The following TASOR variants were observed in gnomAD, a reference collection of about 807,000 sequenced individuals.
The protein encoded by TASOR is transcription activation suppressor, also known as protein TASOR.
A neutral mutation model predicts 178.6 loss-of-function variants in TASOR; 53 were observed. That is an observed-to-expected ratio of 0.30 (90% confidence interval 0.24 to 0.37). The LOEUF (loss-of-function observed/expected upper bound fraction) is 0.37. Among genes scored for constraint, TASOR ranks in the 10% least tolerant of loss-of-function variants. TASOR has a pLI of 1.00. For synonymous variants in TASOR, 713 were observed against 696.2 expected, an observed-to-expected ratio of 1.02 and a Z score of -0.38; for missense variants, 1,815 against 1,971.4, an observed-to-expected ratio of 0.92 and a Z score of 1.50.
chr3:56,673,450 A>AAC, intron 2 of TASOR, 130 bp downstream of exon 2: 1 of 673,954 alleles, frequency 1.5e-6, no homozygotes, highest in Non-Finnish European at 2.2e-6. Context: ...AAAAAAAAAA[A>AAC]AAAAAAAACT....
chr3:56,653,471 A>G (rs2077401165), intron 11 of TASOR, among the ~76,000 whole-genome samples: 2 of 151,864 alleles, frequency 1.3e-5, no homozygotes, highest in Admixed American at 6.6e-5. Context: ...AAAGATTTAA[A>G]AAGTAGCCAG....
At chr3:56,653,423 G>C (rs1350977944) in intron 11 of TASOR, among the ~76,000 whole-genome samples, 1 of 150,758 alleles carries the variant, frequency 6.6e-6, no homozygotes, top group Non-Finnish European at 1.5e-5. Context: ...TCTACACCTA[G>C]ATACTGTAAC....
At chr3:56,645,266 T>G (rs2077212065) in intron 14 of TASOR, among the ~76,000 whole-genome samples, 1 of 148,344 alleles carries the variant, frequency 6.7e-6, no homozygotes, top group African/African-American at 2.6e-5. Context: ...GGAGTGAGAT[T>G]TTGTCTCAAA....
rs1258681694 is a variant in TASOR at position 56,623,096 on chromosome 3, G to A, written c.4954C>T (p.Pro1652Ser). The change falls in exon 24 of 24, where the codon CCA (proline) becomes TCA (serine). Residue 1652 changes from proline (P) to serine (S), a missense_variant. Coordinates refer to ENST00000683822, the MANE Select transcript of TASOR (RefSeq NM_001365635.2). ...YTESLDRDKS[P>S]PPLSWGKSDS... ...CTTTTCCCCCAACTTAAGGGAGGTG[G>A]AGATTTATCTCTATCCAAGCTTTCA... The A allele has an allele frequency of 1.9e-6, 3 of 1,610,158 alleles. No individual in the cohort carries two copies. The African/African-American group carries it at 4.0e-5, about 22-fold the overall frequency.
intron 12 of TASOR, 29 bp from the exon 13 acceptor site, chr3:56,648,922 A>G: frequency 6.2e-7 from 1 of 1,605,344 alleles, no homozygotes; most frequent in Non-Finnish European, 8.5e-7. Context: ...ACTCATTAGC[A>G]ATGTGTTTTA....
chr3:56,677,896 TAAGA>T (rs2031454505), intron 1 of TASOR, among the ~76,000 whole-genome samples: 2 of 152,280 alleles, frequency 1.3e-5, no homozygotes, highest in Admixed American at 1.3e-4. Flanking sequence ...TTTCACACAT[TAAGA>T]AATGTGTAAT....
At chr3:56,673,813 T>C (rs2030990545) in intron 1 of TASOR, 88 bp from the exon 2 acceptor site, 5 of 1,152,948 alleles carry the variant, frequency 4.3e-6, no homozygotes, top group Non-Finnish European at 5.9e-6. Flanking sequence ...AATGTAACTT[T>C]AAATACCATG....
At chr3:56,634,723 A>T (rs770322666) in intron 17 of TASOR, among the ~76,000 whole-genome samples, 5 of 152,236 alleles carry the variant, frequency 3.3e-5, no homozygotes, top group Non-Finnish European at 5.9e-5. Flanking sequence ...TACTAAGGTT[A>T]GCTGATACTA....
At chr3:56,625,106 T>A in intron 21 of TASOR, 100 bp from the exon 22 acceptor site, 2 of 1,037,526 alleles carry the variant, frequency 1.9e-6, no homozygotes, top group South Asian at 1.5e-5. Flanking sequence ...CTGAGGCAAC[T>A]AATGACAACT....
rs138521558 is a variant in TASOR, at chr3:56,645,915, G to A, written c.2215+607C>T. Among the ~76,000 whole-genome samples the A allele has an allele frequency of 9.5e-3, 1,440 of 152,258 alleles. 31 individuals carry two copies. The highest frequency in any genetic ancestry group is 0.032 in the African/African-American group (1,328 of 41,546). ...TGTAATCCCAGCACTTTGGGAGGCC[G>A]AGGCAGGCGGATCACGAGGTCAGGA... On this transcript the variant is annotated intron_variant, in intron 14 of 23. Transcript: ENST00000683822.
intron 17 of TASOR, among the ~76,000 whole-genome samples, chr3:56,636,705 A>G (rs540029680): frequency 4.1e-4 from 63 of 152,200 alleles, no homozygotes; most frequent in African/African-American, 1.5e-3. Flanking sequence ...TTTTTTAAAA[A>G]AAAACTTATT....
At position 56,622,740 on chromosome 3, in the gene TASOR, G is replaced by T; in HGVS notation, c.*297C>A. On this transcript the variant is annotated 3_prime_UTR_variant, in exon 24 of 24. Transcript: ENST00000683822. ...AGAAGTAAAGCCTTTGCTGTTTACC[G>T]TCCTCCTGCAAGCATCTGATTTTAC... The T allele has an allele frequency of 5.4e-6, 1 of 186,626 alleles. No individual in the cohort carries two copies. The highest frequency in any genetic ancestry group is 1.1e-5 in the Non-Finnish European group (1 of 93,780). 11.6% of individuals were successfully genotyped at this position (186,626 alleles called of 1,614,324 possible).
intron 14 of TASOR, among the ~76,000 whole-genome samples, chr3:56,643,157 G>A (rs147304287): frequency 0.049 from 7,410 of 151,418 alleles, 188 homozygotes; most frequent in East Asian, 0.089. Context: ...CCAGCTACTC[G>A]GAAGGCTGAG....
At chr3:56,639,310 A>C (rs1029119875) in intron 16 of TASOR, among the ~76,000 whole-genome samples, 95 of 93,858 alleles carry the variant, frequency 1.0e-3, no homozygotes, top group African/African-American at 6.5e-3. Context: ...AATATTTCCA[A>C]AAATGTTTAG....
At chr3:56,648,635 A>C (rs2077286498) in intron 13 of TASOR, among the ~76,000 whole-genome samples, 187 bp downstream of exon 13, 1 of 39,460 alleles carries the variant, frequency 2.5e-5, no homozygotes, top group African/African-American at 2.9e-4. Flanking sequence ...CTGTATCAAA[A>C]AAAAAAAAAA....
chr3:56,678,678 A>T lies in TASOR; in HGVS notation c.331+3998T>A, dbSNP rs554043625. ...AATATTATCATATATACATAAATTT[A>T]AAAAAGCTAAACTTAAAAGACATAT... On this transcript the variant is annotated intron_variant, in intron 1 of 23. Transcript: ENST00000683822. 7.9e-5 allele frequency among the ~76,000 whole-genome samples: 12 copies of T among 152,330 alleles called. No homozygotes were observed. In the East Asian group the frequency reaches 1.2e-3, roughly 15 times the overall value.
At chr3:56,632,975 C>A in intron 18 of TASOR, 69 bp downstream of exon 18, 3 of 1,260,370 alleles carry the variant, frequency 2.4e-6, no homozygotes, top group Non-Finnish European at 3.2e-6. Context: ...CAAAAAACTT[C>A]CATTTTATAG....
intron 1 of TASOR, among the ~76,000 whole-genome samples, chr3:56,682,101 T>A (rs2031848410): frequency 6.6e-6 from 1 of 152,030 alleles, no homozygotes; most frequent in Admixed American, 6.5e-5. Context: ...GGGGGAAAAA[T>A]CTACATGGAA....
intron 14 of TASOR, among the ~76,000 whole-genome samples, chr3:56,644,635 T>A (rs2077197547): frequency 6.6e-6 from 1 of 152,094 alleles, no homozygotes; most frequent in African/African-American, 2.4e-5. Context: ...AAGATGAGAT[T>A]GGTAGCAAAT....
Sources: allele counts gnomAD v4.1 joint callset (sites outside exome capture counted in the v4.1 genomes callset), GRCh38; gene constraint gnomAD v4.1.1; transcripts MANE v1.5; gene names NCBI Gene and HGNC (gene_info 2026-07-23, HGNC 2026-07-21).